The following TEKT4 variants were observed in gnomAD, a reference collection of about 807,000 sequenced individuals.
The protein encoded by TEKT4 is tektin 4.
TEKT4 carries 46 observed loss-of-function variants against 46.0 expected under a neutral mutation model. The ratio of observed to expected loss-of-function variants is 1.00; its 90% CI spans 0.79 to 1.28. The LOEUF is 1.28. Among genes scored for constraint, TEKT4 ranks in the 50% most tolerant of loss-of-function variants. The pLI, the probability that TEKT4 is intolerant of heterozygous loss-of-function variation, is 0.00. For synonymous variants in TEKT4, 325 were observed against 265.8 expected (o/e 1.22, Z -2.17); for missense variants, 790 against 622.9 (o/e 1.27, Z -2.85).
At position 94,876,614 on chromosome 2, in the gene TEKT4, G is replaced by C. The variant is rs79870555; in HGVS notation, c.1153G>C (p.Glu385Gln). The change falls in exon 6 of 6, where the codon GAA (glutamate) becomes CAA (glutamine). Residue 385 changes from glutamate to glutamine, a missense_variant. Coordinates refer to ENST00000295201, the MANE Select transcript of TEKT4 (RefSeq NM_144705.4). ...CACAGCACTGCGAGAGAAGCTTCTAGAAGCGGAGCAGTCCCTGCGCAACCT... is the reference window on the plus strand; with the variant it reads ...CACAGCACTGCGAGAGAAGCTTCTACAAGCGGAGCAGTCCCTGCGCAACCT... ...SLTALREKLL[E>Q]AEQSLRNLED... 2.5e-6 allele frequency: 4 copies of C among 1,612,236 alleles called. No individual in the cohort carries two copies. The highest frequency in any genetic ancestry group is 3.4e-6 in the Non-Finnish European group (4 of 1,179,586).
chr2:94,876,328 C>T (rs1680851836), intron 5 of TEKT4, among the ~76,000 whole-genome samples: 1 of 152,136 alleles, frequency 6.6e-6, no homozygotes, highest in Admixed American at 6.5e-5. Context: ...CTGCCAGGGT[C>T]GAGATTGCAC....
intron 2 of TEKT4, 23 bp downstream of exon 2, chr2:94,873,613 GA>G (rs1553395392): frequency 6.2e-7 from 1 of 1,613,428 alleles, no homozygotes; most frequent in South Asian, 1.1e-5. Context: ...CTGCCCAAGG[GA>G]TGATTCCTGA....
chr2:94,871,466 G>C lies in TEKT4; in HGVS notation c.-114G>C. On this transcript the variant is annotated 5_prime_UTR_variant, in exon 1 of 6. Coordinates refer to ENST00000295201, the MANE Select transcript of TEKT4 (RefSeq NM_144705.4). ...TGTCACCCAAGCGACTGGGAGCCGC[G>C]TCCTGCTCTGGGACTGAGCCGTTGG... The C allele has an allele frequency of 7.5e-7, 1 of 1,340,886 alleles. No homozygotes were observed. The highest frequency in any genetic ancestry group is 9.9e-7 in the Non-Finnish European group (1 of 1,011,396). 83.1% of individuals were successfully genotyped at this position (1,340,886 alleles called of 1,614,324 possible). A position where few individuals can be genotyped will look rare whatever the true frequency, so the allele number is the denominator to read the frequency against.
rs782291915 is a variant in TEKT4, at chr2:94,873,505, C to T, written c.499-15C>T. ...CAGGGACTGGCTCTGGTGCTCAGGG[C>T]GTCTCCTCCCTCAGGAAGCCGAGCT... On this transcript the variant is annotated splice_polypyrimidine_tract_variant and intron_variant, in intron 1 of 5. Transcript: ENST00000295201. 40 of 1,611,890 alleles carry T rather than the reference C, an allele frequency of 2.5e-5. No homozygotes were observed. The highest frequency in any genetic ancestry group is 1.2e-4 in the South Asian group (11 of 90,994).
chr2:94,875,159 G>T (rs1288249799), intron 4 of TEKT4, among the ~76,000 whole-genome samples, 161 bp downstream of exon 4: 41 of 152,232 alleles, frequency 2.7e-4, no homozygotes, highest in African/African-American at 9.9e-4. Flanking sequence ...TGATCGACCG[G>T]TGTTGCCACC....
At chr2:94,872,383 TCG>T (rs1680617522) in intron 1 of TEKT4, 2 of 482,900 alleles carry the variant, frequency 4.1e-6, no homozygotes, top group Non-Finnish European at 3.7e-6. Flanking sequence ...AGACCCTCCC[TCG>T]CTGGGACAGT....
rs1680561784 is a variant in TEKT4, at chr2:94,871,609, G to A, written c.30G>A (p.Leu10=). The change falls in exon 1 of 6, where the codon CTG becomes CTA. Residue 10 remains leucine (L), a synonymous_variant. Coordinates refer to ENST00000295201, the MANE Select transcript of TEKT4 (RefSeq NM_144705.4). The part of the protein sequence containing the change: MAQTVPPCE[L]PCKEYDVARN... ...CGCAGACAGTGCCGCCCTGCGAGCT[G>A]CCCTGCAAAGAGTACGACGTGGCCC... 6.2e-7 allele frequency: 1 copy of A among 1,611,306 alleles called. No individual in the cohort carries two copies. Among genetic ancestry groups the A allele is most frequent in the Non-Finnish European group, 8.5e-7 (1 of 1,179,358 alleles).
chr2:94,874,153 G>A (rs368068942), intron 3 of TEKT4, 45 bp downstream of exon 3: 26 of 1,590,748 alleles, frequency 1.6e-5, no homozygotes, highest in East Asian at 6.7e-5. Flanking sequence ...CTGTGGTCTC[G>A]CCTCCCTCTG....
In TEKT4 at chr2:94,875,590, A is replaced by G. The variant is rs782410015; in HGVS notation, c.939A>G (p.Thr313=). The G allele has an allele frequency of 3.7e-6, 6 of 1,614,158 alleles. No individual in the cohort carries two copies. Among genetic ancestry groups the G allele is most frequent in the East Asian group, 2.2e-5 (1 of 44,876 alleles). Residue 313 remains threonine (T), a splice_region_variant and synonymous_variant, in exon 5 of 6, where the codon ACA becomes ACG. Coordinates refer to ENST00000295201, the MANE Select transcript of TEKT4 (RefSeq NM_144705.4). ...RYKLHHHLHK[T]LREITDQEHN... is the part of the protein sequence containing the mutation. ...AAGGAGAACTGTCCTGTCTGCAGAC[A>G]CTGCGGGAAATCACAGATCAGGAAC...
rs1553395930 is a variant in TEKT4 at position 94,874,948 on chromosome 2, T to C, written c.886T>C (p.Cys296Arg). The C allele has an allele frequency of 2.5e-6, 4 of 1,611,568 alleles. No individual in the cohort carries two copies. The highest frequency in any genetic ancestry group is 8.5e-7 in the Non-Finnish European group (1 of 1,179,636). ...DAVNLAFGRR[C>R]EELEDARYKL... Reference sequence around the variant, plus strand: ...CGTGAACCTGGCCTTCGGGCGCCGCTGTGAGGAGCTGGAGGACGCGCGGTA... The same window carrying C: ...CGTGAACCTGGCCTTCGGGCGCCGCCGTGAGGAGCTGGAGGACGCGCGGTA... The change falls in exon 4 of 6, where the codon TGT becomes CGT. Residue 296 changes from cysteine to arginine, a missense_variant. Coordinates refer to ENST00000295201, the MANE Select transcript of TEKT4 (RefSeq NM_144705.4).
chr2:94,876,119 G>A (rs1433352850), intron 5 of TEKT4, among the ~76,000 whole-genome samples: 1 of 152,228 alleles, frequency 6.6e-6, no homozygotes, highest in African/African-American at 2.4e-5. Flanking sequence ...ACCTCTGGTG[G>A]GAAGTATGAC....
intron 3 of TEKT4, 72 bp from the exon 4 acceptor site, chr2:94,874,703 TG>T: frequency 7.3e-7 from 1 of 1,366,876 alleles, no homozygotes; most frequent in African/African-American, 1.4e-5. Flanking sequence ...GGACAGGGCA[TG>T]GGGGCGCAGC....
chr2:94,876,707 C>G lies in TEKT4; in HGVS notation c.1246C>G (p.Gln416Glu). Reference sequence around the variant, plus strand: ...GACCAACAGTCTCTTCATCGACCGCCAGAAGTGCATGGCCCATCGTACTCG... The same window carrying G: ...GACCAACAGTCTCTTCATCGACCGCGAGAAGTGCATGGCCCATCGTACTCG... ...AMTNSLFIDRQKCMAHRTRYP... is the reference protein window; with the variant it reads ...AMTNSLFIDREKCMAHRTRYP... The change falls in exon 6 of 6, where the codon CAG becomes GAG. Residue 416 changes from glutamine (Q) to glutamate (E), a missense_variant. Gln to Glu is a conservative substitution (Grantham distance 29, BLOSUM62 2). Coordinates refer to ENST00000295201, the MANE Select transcript of TEKT4 (RefSeq NM_144705.4). 1 of 1,612,666 alleles carries G rather than the reference C, an allele frequency of 6.2e-7. No individual in the cohort carries two copies. Among genetic ancestry groups the G allele is most frequent in the Non-Finnish European group, 8.5e-7 (1 of 1,180,022 alleles).
Position 94,871,500 on chromosome 2 carries a change from C to A in TEKT4, c.-80C>A, listed in dbSNP as rs4854234. 444 of 1,453,568 alleles carry A rather than the reference C, an allele frequency of 3.1e-4. 1 individual carries two copies. The African/African-American group carries it at 4.1e-3, about 13-fold the overall frequency. The allele number at this position is 1,453,568 out of a possible 1,614,324, so 90.0% of individuals were successfully genotyped here. ...TGGGACTGAGCCGTTGGAGCTGCCC[C>A]GCTGACCGCACTAGGCTGACCGCAA... On this transcript the variant is annotated 5_prime_UTR_variant, in exon 1 of 6. Coordinates refer to ENST00000295201, the MANE Select transcript of TEKT4 (RefSeq NM_144705.4).
chr2:94,874,665 A>C (rs1328685577), intron 3 of TEKT4, 111 bp from the exon 4 acceptor site: 2 of 998,890 alleles, frequency 2.0e-6, no homozygotes, highest in Non-Finnish European at 2.9e-6. Flanking sequence ...ATCGGAGTCC[A>C]TGCACGTCCT....
rs1208185898 is a variant in TEKT4 at position 94,871,627 on chromosome 2, C to T, written c.48C>T (p.Asp16=). 29 of 1,612,136 alleles carry T rather than the reference C, an allele frequency of 1.8e-5. No homozygotes were observed. The East Asian group carries it at 4.2e-4, about 24-fold the overall frequency. ...PPCELPCKEY[D]VARNTGAYTS... Reference sequence around the variant, plus strand: ...GCGAGCTGCCCTGCAAAGAGTACGACGTGGCCCGTAACACGGGCGCCTACA... The same window carrying T: ...GCGAGCTGCCCTGCAAAGAGTACGATGTGGCCCGTAACACGGGCGCCTACA... The change falls in exon 1 of 6, where the codon GAC becomes GAT. Residue 16 remains aspartate (D), a synonymous_variant. Coordinates refer to ENST00000295201, the MANE Select transcript of TEKT4 (RefSeq NM_144705.4).
intron 5 of TEKT4, 100 bp downstream of exon 5, chr2:94,875,842 C>T (rs1168033246): frequency 8.7e-6 from 11 of 1,269,778 alleles, no homozygotes; most frequent in South Asian, 8.6e-5. Flanking sequence ...ACACATCCCC[C>T]GCAGGTGCTG....
rs782179092 is a variant in TEKT4 at position 94,876,662 on chromosome 2, GAGA to G, written c.1204_1206del (p.Lys402del). On this transcript the variant is annotated inframe_deletion, in exon 6 of 6. Coordinates refer to ENST00000295201, the MANE Select transcript of TEKT4 (RefSeq NM_144705.4). Reference sequence around the variant, plus strand: ...CCTCGAGGACATCCACATGAGCCTGGAGAAGGACATTGCCGCCATGACCAACAG... The same window carrying G: ...CCTCGAGGACATCCACATGAGCCTGGAGGACATTGCCGCCATGACCAACAG... 8 of 1,613,368 alleles carry G rather than the reference GAGA, an allele frequency of 5.0e-6. No homozygotes were observed. In the Admixed American group the frequency reaches 5.0e-5, roughly 10 times the overall value.
At chr2:94,874,176 A>G (rs1680716892) in intron 3 of TEKT4, 68 bp downstream of exon 3, 13 of 1,561,916 alleles carry the variant, frequency 8.3e-6, no homozygotes, top group South Asian at 2.3e-5. Context: ...TGGGGGCCCC[A>G]GCGGCGCTGC....
Sources: gnomAD v4.1 joint callset for allele counts (sites outside exome capture counted in the v4.1 genomes callset) on GRCh38, gnomAD v4.1.1 for gene constraint, MANE v1.5 for transcripts, NCBI Gene and HGNC (gene_info 2026-07-23, HGNC 2026-07-21) for gene names.